NINL: variants seen among roughly 807,000 people sequenced by gnomAD.
NINL encodes ninein-like protein.
Under a neutral mutation model 160.3 loss-of-function variants are expected in NINL, and 153 were observed. That is an observed-to-expected ratio of 0.95 (90% CI 0.84 to 1.09). The LOEUF is 1.09. NINL is among the 50% of genes least tolerant of loss of function. NINL has a pLI of 0.00. For synonymous variants in NINL, 800 were observed against 734.8 expected (o/e 1.09, Z -1.43); for missense variants, 1,829 against 1,764.0 (o/e 1.04, Z -0.66).
chr20:25,500,033 C>T (rs1273258867), intron 8 of NINL, among the ~76,000 whole-genome samples: 2 of 151,360 alleles, frequency 1.3e-5, no homozygotes, highest in Non-Finnish European at 2.9e-5. Flanking sequence ...AGTACACCCA[C>T]TACACCAACA....
At chr20:25,546,704 T>C (rs1252159079) in intron 1 of NINL, among the ~76,000 whole-genome samples, 1 of 151,288 alleles carries the variant, frequency 6.6e-6, no homozygotes, top group Non-Finnish European at 1.5e-5. Flanking sequence ...AAGATGGAAA[T>C]ACAAATGGCT....
rs752565890 is a variant in NINL at position 25,453,546 on chromosome 20, G to C, written c.4054C>G (p.Arg1352Gly). Residue 1352 changes from arginine (R) to glycine (G), a missense_variant, in exon 24 of 24, where the codon CGA becomes GGA. Arg to Gly is a moderately radical substitution (Grantham distance 125). Transcript: ENST00000278886. ...AGGCGGCTTTGTTTCTCGGCGCCTC[G>C]CTGCTTCTCCTCGGTGGCCTGAAGT... ...RALQATEEKQ[R>G]GAEKQSRLLE... 6.2e-7 allele frequency: 1 copy of C among 1,613,890 alleles called. No homozygotes were observed. The highest frequency in any genetic ancestry group is 2.2e-5 in the East Asian group (1 of 44,876).
Position 25,535,838 on chromosome 20 carries a change from C to T in NINL, c.-11-9240G>A, listed in dbSNP as rs76610362. Among the ~76,000 whole-genome samples the T allele has an allele frequency of 5.8e-4, 88 of 152,242 alleles. 2 individuals carry two copies. The East Asian group carries it at 0.016, about 27-fold the overall frequency. On this transcript the variant is annotated intron_variant, in intron 1 of 23. Coordinates refer to ENST00000278886, the MANE Select transcript of NINL (RefSeq NM_025176.6). ...AAATAATCAATCCCAAATCTCTCGACATCCTTGAAAAGCCCAGAAAAGGGA... is the reference window on the plus strand; with the variant it reads ...AAATAATCAATCCCAAATCTCTCGATATCCTTGAAAAGCCCAGAAAAGGGA...
At chr20:25,525,780 G>A (rs1283924974) in intron 2 of NINL, among the ~76,000 whole-genome samples, 1 of 152,228 alleles carries the variant, frequency 6.6e-6, no homozygotes, top group Non-Finnish European at 1.5e-5. Flanking sequence ...AAGTAGGAAT[G>A]GGGAGGTGCT....
At chr20:25,559,474 C>T (rs1457870987) in intron 1 of NINL, among the ~76,000 whole-genome samples, 8 of 152,130 alleles carry the variant, frequency 5.3e-5, no homozygotes, top group African/African-American at 7.2e-5. Context: ...CTCTTGACCT[C>T]GTAATCTGCC....
intron 22 of NINL, among the ~76,000 whole-genome samples, chr20:25,457,463 A>G (rs1383879771): frequency 6.6e-6 from 1 of 152,248 alleles, no homozygotes; most frequent in Non-Finnish European, 1.5e-5. Context: ...AAATAACTCC[A>G]AAGCGAGCTT....
chr20:25,551,991 GT>G (rs2064812041), intron 1 of NINL, among the ~76,000 whole-genome samples: 2 of 152,150 alleles, frequency 1.3e-5, no homozygotes, highest in African/African-American at 4.8e-5. Context: ...CCATCGGGAG[GT>G]ATACAGCCTT....
At chr20:25,552,438 A>C (rs1006695565) in intron 1 of NINL, among the ~76,000 whole-genome samples, 1 of 152,180 alleles carries the variant, frequency 6.6e-6, no homozygotes. Flanking sequence ...GCTGTGAAAG[A>C]AAAAAATAAA....
At chr20:25,545,728 T>A (rs1009307505) in intron 1 of NINL, among the ~76,000 whole-genome samples, 7 of 152,228 alleles carry the variant, frequency 4.6e-5, no homozygotes, top group African/African-American at 1.7e-4. Flanking sequence ...TAGCAAGCCC[T>A]GGAAGTACTT....
intron 1 of NINL, among the ~76,000 whole-genome samples, chr20:25,562,244 C>G: frequency 8.5e-6 from 1 of 118,298 alleles, no homozygotes; most frequent in Non-Finnish European, 1.8e-5. Flanking sequence ...GCCGCCCCTA[C>G]TGGGAAGTGA....
chr20:25,475,944 A>G, intron 17 of NINL, 99 bp downstream of exon 17: 1 of 1,271,778 alleles, frequency 7.9e-7, no homozygotes, highest in Non-Finnish European at 1.1e-6. Context: ...GCTTGTCGGC[A>G]GGAAGGGCCA....
At chr20:25,531,969 G>A (rs565979704) in intron 1 of NINL, among the ~76,000 whole-genome samples, 4 of 152,242 alleles carry the variant, frequency 2.6e-5, no homozygotes, top group East Asian at 3.9e-4. Context: ...TCTTTCTCAG[G>A]GGCATCTTTC....
At chr20:25,581,246 C>T (rs2065171814) in intron 1 of NINL, among the ~76,000 whole-genome samples, 2 of 152,176 alleles carry the variant, frequency 1.3e-5, no homozygotes, top group African/African-American at 4.8e-5. Flanking sequence ...GAGTTTGAGA[C>T]CAGCCTGGCC....
chr20:25,477,122 C>A (rs570078317), intron 16 of NINL, 33 bp from the exon 17 acceptor site: 33 of 1,530,888 alleles, frequency 2.2e-5, no homozygotes, highest in Admixed American at 1.9e-4. Flanking sequence ...CACCACAGCC[C>A]TGCCGCCCCC....
chr20:25,538,730 C>T (rs1895500708), intron 1 of NINL, among the ~76,000 whole-genome samples: 1 of 151,702 alleles, frequency 6.6e-6, no homozygotes, highest in Non-Finnish European at 1.5e-5. Context: ...GAGCACAGAA[C>T]TAGGAAACAC....
At chr20:25,573,417 G>A (rs1228447849) in intron 1 of NINL, among the ~76,000 whole-genome samples, 1 of 152,036 alleles carries the variant, frequency 6.6e-6, no homozygotes. Flanking sequence ...TGAAATTCCA[G>A]CCATGCGATT....
chr20:25,464,643 G>T (rs1159036902), intron 19 of NINL, among the ~76,000 whole-genome samples: 1 of 152,132 alleles, frequency 6.6e-6, no homozygotes, highest in East Asian at 1.9e-4. Context: ...GGGGACAGCA[G>T]CTCTCACGCG....
chr20:25,553,522 TGGCAA>T (rs1262720326), intron 1 of NINL, among the ~76,000 whole-genome samples: 1 of 152,228 alleles, frequency 6.6e-6, no homozygotes, highest in Non-Finnish European at 1.5e-5. Flanking sequence ...ATCATTCCCA[TGGCAA>T]AGATATTTTC....
In NINL at chr20:25,491,805, G is replaced by A. The variant is rs149395161; in HGVS notation, c.1311-280C>T. 6.7e-3 allele frequency among the ~76,000 whole-genome samples: 1,024 copies of A among 152,316 alleles called. 14 individuals carry two copies. Among genetic ancestry groups the A allele is most frequent in the Non-Finnish European group, 8.8e-3 (599 of 68,022 alleles). On this transcript the variant is annotated intron_variant, in intron 10 of 23. Coordinates refer to ENST00000278886, the MANE Select transcript of NINL (RefSeq NM_025176.6). ...CACAGCGAGGAGCACAGCTCCCTGGGGTGAGTCCCAAGGTGGCCCCTCCAC... is the reference window on the plus strand; with the variant it reads ...CACAGCGAGGAGCACAGCTCCCTGGAGTGAGTCCCAAGGTGGCCCCTCCAC...
Sources: gnomAD v4.1 joint callset for allele counts (sites outside exome capture counted in the v4.1 genomes callset) on GRCh38, gnomAD v4.1.1 for gene constraint, MANE v1.5 for transcripts, NCBI Gene and HGNC (gene_info 2026-07-23, HGNC 2026-07-21) for gene names.